Variants in C1QTNF3 observed in about 807,000 individuals in gnomAD.
C1QTNF3 encodes complement C1q tumor necrosis factor-related protein 3.
Under a neutral mutation model 32.6 loss-of-function variants are expected in C1QTNF3, and 26 were observed. That is an observed-to-expected ratio of 0.80 (90% CI 0.58 to 1.11). C1QTNF3 has a LOEUF of 1.11. Ranked by LOEUF, C1QTNF3 falls within the 50% of genes least tolerant of loss-of-function variation. C1QTNF3 has a pLI of 0.00. For missense variants in C1QTNF3, 362 were observed against 398.2 expected, an observed-to-expected ratio of 0.91 and a Z score of 0.77; for synonymous variants, 155 against 146.0, an observed-to-expected ratio of 1.06 and a Z score of -0.44.
chr5:34,021,519 A>T (rs535627116), intron 5 of C1QTNF3, among the ~76,000 whole-genome samples: 93 of 152,356 alleles, frequency 6.1e-4, no homozygotes, highest in Middle Eastern at 3.4e-3. Flanking sequence ...AGGTGTCTTT[A>T]TATCTGGAAG....
chr5:34,115,546 C>A, the C1QTNF3 span, among the ~76,000 whole-genome samples: 20 of 151,876 alleles, frequency 1.3e-4, no homozygotes, highest in Non-Finnish European at 2.9e-4. Flanking sequence ...CTGGCTAACA[C>A]GGTGAAACCC....
At chr5:34,243,516 T>C in the C1QTNF3 span, among the ~76,000 whole-genome samples, 1 of 152,206 alleles carries the variant, frequency 6.6e-6, no homozygotes, top group Non-Finnish European at 1.5e-5. Flanking sequence ...TATGCACTCG[T>C]ATGTTCATCA....
chr5:34,043,301 C>T, upstream of C1QTNF3: 11 of 619,714 alleles, frequency 1.8e-5, no homozygotes, highest in South Asian at 2.2e-4. Context: ...CCCTCCTCCC[C>T]AGGCAGAACA....
the C1QTNF3 span, among the ~76,000 whole-genome samples, chr5:34,073,509 C>T: frequency 3.9e-5 from 6 of 152,142 alleles, no homozygotes; most frequent in South Asian, 6.2e-4. Flanking sequence ...TTATATAAAA[C>T]GGACAAAGAA....
the C1QTNF3 span, among the ~76,000 whole-genome samples, chr5:34,224,925 G>A: frequency 1.3e-5 from 2 of 152,104 alleles, no homozygotes; most frequent in East Asian, 3.9e-4. Flanking sequence ...CTAACATCCA[G>A]AATCTACAAT....
Position 34,043,145 on chromosome 5 carries a change from G to C in C1QTNF3, c.-20C>G, listed in dbSNP as rs765344573. On this transcript the variant is annotated 5_prime_UTR_variant, in exon 1 of 6. Transcript: ENST00000382065. ...AAGCATGATTCTCAACAGAGCCTCA[G>C]AGTCTCCCTGAGAAGACAGCAGAGC... The C allele has an allele frequency of 1.8e-5, 28 of 1,598,718 alleles. No individual in the cohort carries two copies. Among genetic ancestry groups the C allele is most frequent in the African/African-American group, 6.7e-5 (5 of 74,636 alleles).
At chr5:34,207,478 T>G in the C1QTNF3 span, among the ~76,000 whole-genome samples, 2 of 152,164 alleles carry the variant, frequency 1.3e-5, no homozygotes, top group Non-Finnish European at 2.9e-5. Flanking sequence ...TGTTCACTTT[T>G]TAGAAACTCT....
the C1QTNF3 span, among the ~76,000 whole-genome samples, chr5:34,162,743 C>T: frequency 6.6e-6 from 1 of 152,122 alleles, no homozygotes; most frequent in Admixed American, 6.6e-5. Flanking sequence ...AAGCTCACTA[C>T]CTCTTATTAA....
At chr5:34,155,059 T>C in the C1QTNF3 span, among the ~76,000 whole-genome samples, 1 of 152,178 alleles carries the variant, frequency 6.6e-6, no homozygotes, top group African/African-American at 2.4e-5. Flanking sequence ...ACCGCAGATA[T>C]CATGAGAATA....
the C1QTNF3 span, among the ~76,000 whole-genome samples, chr5:34,110,913 TA>T: frequency 3.0e-3 from 445 of 148,416 alleles, no homozygotes; most frequent in East Asian, 0.012. Flanking sequence ...ATTTCTTTAG[TA>T]AAAAAAAAAA....
the C1QTNF3 span, among the ~76,000 whole-genome samples, chr5:34,089,904 T>G: frequency 6.6e-6 from 1 of 152,236 alleles, no homozygotes; most frequent in African/African-American, 2.4e-5. Context: ...ATTCATTGTA[T>G]AAAAGACATA....
chr5:34,208,164 C>T, the C1QTNF3 span, among the ~76,000 whole-genome samples: 1 of 152,222 alleles, frequency 6.6e-6, no homozygotes, highest in Admixed American at 6.5e-5. Context: ...TTCTTTAGGT[C>T]ACTTACGGAA....
At chr5:34,041,178 T>G (rs1354224539) in intron 1 of C1QTNF3, among the ~76,000 whole-genome samples, 4 of 152,106 alleles carry the variant, frequency 2.6e-5, no homozygotes, top group African/African-American at 9.7e-5. Context: ...AGGAAGAACA[T>G]AGCACAATCC....
At chr5:34,198,263 TA>T in the C1QTNF3 span, among the ~76,000 whole-genome samples, 1 of 132,088 alleles carries the variant, frequency 7.6e-6, no homozygotes, top group Non-Finnish European at 1.5e-5. Context: ...AATAAATAAA[TA>T]AAAATAAAAA....
chr5:34,126,961 A>AT, the C1QTNF3 span, among the ~76,000 whole-genome samples: 1 of 152,020 alleles, frequency 6.6e-6, no homozygotes, highest in Admixed American at 6.6e-5. Context: ...TTCTCATGAG[A>AT]TCTGATTATT....
At chr5:34,181,206 G>C in the C1QTNF3 span, among the ~76,000 whole-genome samples, 5 of 152,428 alleles carry the variant, frequency 3.3e-5, no homozygotes, top group African/African-American at 1.2e-4. Flanking sequence ...CTAGCCTCAA[G>C]TTCCAAACCC....
the C1QTNF3 span, among the ~76,000 whole-genome samples, chr5:34,137,202 C>T: frequency 6.6e-6 from 1 of 150,970 alleles, no homozygotes; most frequent in South Asian, 2.1e-4. Context: ...CTTTCAGGGC[C>T]CAAAGGTCCA....
At chr5:34,197,819 C>T in the C1QTNF3 span, among the ~76,000 whole-genome samples, 1 of 152,040 alleles carries the variant, frequency 6.6e-6, no homozygotes, top group African/African-American at 2.4e-5. Context: ...CTGGATGGTG[C>T]AAAATCAAGG....
the C1QTNF3 span, among the ~76,000 whole-genome samples, chr5:34,052,699 C>T: frequency 0.011 from 1,664 of 152,308 alleles, 31 homozygotes; most frequent in African/African-American, 0.038. Flanking sequence ...TAGCACAGTG[C>T]CTGGCACCCA....
Sources: gnomAD v4.1 joint callset for allele counts (sites outside exome capture counted in the v4.1 genomes callset) on GRCh38, gnomAD v4.1.1 for gene constraint, MANE v1.5 for transcripts, NCBI Gene and HGNC (gene_info 2026-07-23, HGNC 2026-07-21) for gene names.